Variants in LINGO2 observed in about 807,000 individuals in gnomAD.
LINGO2 encodes leucine-rich repeat and immunoglobulin-like domain-containing nogo receptor-interacting protein 2.
Under a neutral mutation model 30.6 loss-of-function variants are expected in LINGO2, and 14 were observed. The ratio of observed to expected loss-of-function variants is 0.46; its 90% confidence interval spans 0.30 to 0.72. LINGO2 has a LOEUF of 0.72. Among genes scored for constraint, LINGO2 ranks in the 30% least tolerant of loss-of-function variants. LINGO2 has a pLI of 0.07. For synonymous variants in LINGO2, 317 were observed against 288.5 expected (o/e 1.10, Z -1.00); for missense variants, 729 against 751.7 (o/e 0.97, Z 0.35).
At chr9:28,586,904 TAAGCC>T (rs916148812) in intron 1 of LINGO2, among the ~76,000 whole-genome samples, 1 of 152,048 alleles carries the variant, frequency 6.6e-6, no homozygotes, top group Non-Finnish European at 1.5e-5. Flanking sequence ...CAAAATGCCA[TAAGCC>T]ATTCAGGGGC....
intron 2 of LINGO2, among the ~76,000 whole-genome samples, chr9:28,396,784 G>A (rs902808335): frequency 6.0e-5 from 9 of 149,866 alleles, no homozygotes; most frequent in African/African-American, 2.0e-4. Flanking sequence ...CAGGCAGACA[G>A]ATCAACAAGT....
intron 3 of LINGO2, among the ~76,000 whole-genome samples, chr9:28,352,963 A>C (rs1819970626): frequency 6.7e-6 from 1 of 149,224 alleles, no homozygotes; most frequent in Admixed American, 6.7e-5. Flanking sequence ...AGAAAGCTGA[A>C]ACTGGATCCC....
chr9:28,086,694 C>A (rs1430217229), intron 4 of LINGO2, among the ~76,000 whole-genome samples: 1 of 152,000 alleles, frequency 6.6e-6, no homozygotes, highest in Non-Finnish European at 1.5e-5. Flanking sequence ...GTATCACACA[C>A]AATGCAGCAA....
the LINGO2 span, among the ~76,000 whole-genome samples, chr9:29,083,617 C>A: frequency 1.3e-5 from 2 of 149,918 alleles, no homozygotes; most frequent in Admixed American, 6.7e-5. Flanking sequence ...TGGGGAGCAC[C>A]CAAAGATAAA....
At chr9:28,475,456 A>G (rs1825692342) in intron 2 of LINGO2, among the ~76,000 whole-genome samples, 1 of 152,206 alleles carries the variant, frequency 6.6e-6, no homozygotes, top group Admixed American at 6.5e-5. Context: ...TTCTTTATCT[A>G]TAAAACAAGG....
At chr9:28,701,165 A>G in the LINGO2 span, among the ~76,000 whole-genome samples, 2 of 151,638 alleles carry the variant, frequency 1.3e-5, no homozygotes, top group Non-Finnish European at 1.5e-5. Context: ...TTTTAATCAA[A>G]CCCAGATTAT....
At position 28,017,913 on chromosome 9, in the gene LINGO2, AAAG is replaced by A. The variant is rs1358463285; in HGVS notation, c.-86-5511_-86-5509del. Among the ~76,000 whole-genome samples the A allele has an allele frequency of 6.6e-5, 10 of 152,308 alleles. No individual in the cohort carries two copies. The South Asian group carries it at 2.1e-3, about 32-fold the overall frequency. ...AAATAGCCAAGGCAATCCTAAGCAT[AAAG>A]AAGAAAGCTGGAGGCATCACACGAC... On this transcript the variant is annotated intron_variant, in intron 4 of 5. Transcript: ENST00000379992.
At chr9:29,076,105 T>G in the LINGO2 span, among the ~76,000 whole-genome samples, 1 of 151,878 alleles carries the variant, frequency 6.6e-6, no homozygotes, top group Non-Finnish European at 1.5e-5. Context: ...CTCAAACTCC[T>G]GGCCTCAAGT....
the LINGO2 span, among the ~76,000 whole-genome samples, chr9:29,129,184 T>C: frequency 6.6e-6 from 1 of 152,092 alleles, no homozygotes; most frequent in Non-Finnish European, 1.5e-5. Flanking sequence ...TTGGCAAAAA[T>C]ACCTATGTAT....
chr9:28,759,636 C>A, the LINGO2 span, among the ~76,000 whole-genome samples: 1 of 151,160 alleles, frequency 6.6e-6, no homozygotes, highest in Non-Finnish European at 1.5e-5. Context: ...GAGCCTAGAT[C>A]GCACCACTGC....
At chr9:28,127,594 C>A (rs959318193) in intron 4 of LINGO2, among the ~76,000 whole-genome samples, 4 of 152,078 alleles carry the variant, frequency 2.6e-5, no homozygotes, top group Admixed American at 2.6e-4. Flanking sequence ...TGGAATCGGA[C>A]AAGGAACCTA....
chr9:27,948,893 C>T (rs754910797), exon 6 of LINGO2: 4 of 1,613,466 alleles, frequency 2.5e-6, no homozygotes, highest in Admixed American at 3.3e-5. Context: ...CAGCTACCTC[C>T]CCTTCCACAA....
At chr9:27,987,652 G>C (rs1482309836) in intron 5 of LINGO2, among the ~76,000 whole-genome samples, 1 of 151,862 alleles carries the variant, frequency 6.6e-6, no homozygotes, top group Non-Finnish European at 1.5e-5. Flanking sequence ...GGGAGAAGTG[G>C]GGTTGTCTAT....
the LINGO2 span, among the ~76,000 whole-genome samples, chr9:28,971,958 CTGTT>C: frequency 2.6e-5 from 4 of 152,218 alleles, no homozygotes; most frequent in African/African-American, 9.7e-5. Flanking sequence ...GAGAGAGAGA[CTGTT>C]TGTTTGGAAG....
chr9:29,190,510 T>C, the LINGO2 span, among the ~76,000 whole-genome samples: 28 of 152,252 alleles, frequency 1.8e-4, no homozygotes, highest in South Asian at 4.6e-3. Context: ...ATTTAGTTAT[T>C]CCCAGTGTTT....
At chr9:28,438,921 T>TAG (rs1265725675) in intron 2 of LINGO2, among the ~76,000 whole-genome samples, 1 of 127,706 alleles carries the variant, frequency 7.8e-6, no homozygotes, top group African/African-American at 2.6e-5. Context: ...TAATGAAATA[T>TAG]ATATCTATAC....
intron 4 of LINGO2, among the ~76,000 whole-genome samples, chr9:28,018,722 G>A (rs1394565505): frequency 2.6e-5 from 4 of 152,078 alleles, no homozygotes; most frequent in Non-Finnish European, 5.9e-5. Flanking sequence ...GAAGAGAAAA[G>A]GGGGCACTTA....
At chr9:29,092,942 G>C in the LINGO2 span, among the ~76,000 whole-genome samples, 1 of 129,780 alleles carries the variant, frequency 7.7e-6, no homozygotes, top group Non-Finnish European at 1.6e-5. Flanking sequence ...AATAATTTTA[G>C]AAAAAAGTCA....
the LINGO2 span, chr9:27,938,083 T>C: frequency 6.6e-6 from 1 of 152,166 alleles, no homozygotes. Flanking sequence ...AATAAATAAC[T>C]GTTCCGCCAC....
Sources: allele counts gnomAD v4.1 joint callset (sites outside exome capture counted in the v4.1 genomes callset), GRCh38; gene constraint gnomAD v4.1.1; transcripts MANE v1.5; gene names NCBI Gene and HGNC (gene_info 2026-07-23, HGNC 2026-07-21).